The following ADAM17 variants were observed in gnomAD, a reference collection of about 807,000 sequenced individuals.
ADAM17 encodes the protein disintegrin and metalloproteinase domain-containing protein 17.
ADAM17 carries 39 observed loss-of-function variants against 96.7 expected under a neutral mutation model. The observed-to-expected ratio is 0.40, with a 90% CI of 0.31 to 0.53. The LOEUF is 0.53. ADAM17 is among the 20% of genes least tolerant of loss of function. ADAM17 has a pLI of 0.44. For missense variants in ADAM17, 777 were observed against 1,013.2 expected (o/e 0.77, Z 3.17); for synonymous variants, 344 against 359.2 (o/e 0.96, Z 0.48).
At chr2:9,521,380 G>C in intron 7 of ADAM17, 64 bp from the exon 8 acceptor site, 1 of 1,122,086 alleles carries the variant, frequency 8.9e-7, no homozygotes, top group Non-Finnish European at 1.3e-6. Context: ...TCTGAATACT[G>C]CATTATTTTA....
chr2:9,492,910 A>G lies in ADAM17; in HGVS notation c.2070T>C (p.Leu690=). 1 of 1,612,336 alleles carries G rather than the reference A, an allele frequency of 6.2e-7. No homozygotes were observed. Among genetic ancestry groups the G allele is most frequent in the South Asian group, 1.1e-5 (1 of 90,784 alleles). ...SLIFWIPFSI[L]VHCVDKKLDK... ...GTTGATGACTTACCACACAATGGAC[A>G]AGAATGCTGAAAGGAATCCAAAATA... The change falls in exon 17 of 19, where the codon CTT becomes CTC. Residue 690 remains leucine, a synonymous_variant. Transcript: ENST00000310823.
In ADAM17 at chr2:9,502,056, C is replaced by A. The variant is rs557477565; in HGVS notation, c.1648+117G>T. 152 of 897,706 alleles carry A rather than the reference C, an allele frequency of 1.7e-4. No homozygotes were observed. The African/African-American group carries it at 2.4e-3, about 14-fold the overall frequency. 55.6% of individuals were successfully genotyped at this position (897,706 alleles called of 1,614,324 possible). A position where few individuals can be genotyped will look rare whatever the true frequency, so the allele number is the denominator to read the frequency against. On this transcript the variant is annotated intron_variant, in intron 13 of 18. Coordinates refer to ENST00000310823, the MANE Select transcript of ADAM17 (RefSeq NM_003183.6). ...AACTAAGGAGTGCCAGAAACTCAAC[C>A]CGGCATATGAGATTAAAAATAAGGT...
chr2:9,510,462 G>A (rs1049465617), intron 10 of ADAM17, among the ~76,000 whole-genome samples: 6 of 151,898 alleles, frequency 4.0e-5, no homozygotes, highest in South Asian at 2.1e-4. Context: ...TCAGGAGTTC[G>A]AGACCAGCCT....
chr2:9,514,518 A>AATAT (rs70948826), intron 10 of ADAM17, among the ~76,000 whole-genome samples: 924 of 89,204 alleles, frequency 0.01, 7 homozygotes, highest in Non-Finnish European at 0.013. Context: ...TTAAAATATA[A>AATAT]ATATATATAT....
chr2:9,545,585 A>G (rs1665373733), intron 1 of ADAM17, among the ~76,000 whole-genome samples: 1 of 152,146 alleles, frequency 6.6e-6, no homozygotes, highest in Non-Finnish European at 1.5e-5. Context: ...AGAAAAAGAA[A>G]AAACCACTGA....
intron 1 of ADAM17, 69 bp downstream of exon 1, chr2:9,555,440 A>G: frequency 7.4e-7 from 1 of 1,353,928 alleles, no homozygotes; most frequent in Non-Finnish European, 9.9e-7. Context: ...TGATAGACCC[A>G]GCTCCCCTGC....
intron 13 of ADAM17, among the ~76,000 whole-genome samples, chr2:9,501,098 C>T (rs1662973298): frequency 6.6e-6 from 1 of 152,054 alleles, no homozygotes; most frequent in Non-Finnish European, 1.5e-5. Flanking sequence ...AAGAACTCCT[C>T]CAAATTCACA....
intron 6 of ADAM17, among the ~76,000 whole-genome samples, chr2:9,524,403 T>C (rs537863848): frequency 4.7e-4 from 72 of 152,128 alleles, no homozygotes; most frequent in Middle Eastern, 3.4e-3. Context: ...GGTGGGAAGA[T>C]TGCTTTGGCC....
chr2:9,502,049 ACT>A lies in ADAM17; in HGVS notation c.1648+122_1648+123del, dbSNP rs942202998. 2.7e-5 allele frequency: 23 copies of A among 843,852 alleles called. No homozygotes were observed. In the African/African-American group the frequency reaches 3.6e-4, roughly 13 times the overall value. 52.3% of individuals were successfully genotyped at this position (843,852 alleles called of 1,614,324 possible). On this transcript the variant is annotated intron_variant, in intron 13 of 18. Coordinates refer to ENST00000310823, the MANE Select transcript of ADAM17 (RefSeq NM_003183.6). ...TGTCACAAACTAAGGAGTGCCAGAA[ACT>A]CAACCCGGCATATGAGATTAAAAAT... is the stretch of plus-strand genomic sequence containing the variant.
intron 2 of ADAM17, among the ~76,000 whole-genome samples, chr2:9,542,166 C>T (rs559880653): frequency 5.3e-5 from 8 of 152,122 alleles, no homozygotes; most frequent in Non-Finnish European, 4.4e-5. Flanking sequence ...CAAAACAATA[C>T]GTGGTATTAA....
chr2:9,535,992 T>C, intron 3 of ADAM17, 70 bp from the exon 4 acceptor site: 4 of 1,034,630 alleles, frequency 3.9e-6, no homozygotes, highest in East Asian at 2.9e-5. Flanking sequence ...TTACTCTCAA[T>C]AAAAATTAAA....
At chr2:9,516,032 C>A (rs1488728755) in intron 10 of ADAM17, among the ~76,000 whole-genome samples, 1 of 151,646 alleles carries the variant, frequency 6.6e-6, no homozygotes, top group African/African-American at 2.4e-5. Flanking sequence ...GCCTCCCAAG[C>A]AACTGGGACT....
At chr2:9,543,364 A>T in intron 1 of ADAM17, 79 bp from the exon 2 acceptor site, 1 of 1,266,398 alleles carries the variant, frequency 7.9e-7, no homozygotes, top group Non-Finnish European at 1.0e-6. Flanking sequence ...AGTGCCAGAC[A>T]ATAAATCTTT....
At chr2:9,516,072 T>C (rs1240683302) in intron 10 of ADAM17, among the ~76,000 whole-genome samples, 1 of 152,164 alleles carries the variant, frequency 6.6e-6, no homozygotes, top group East Asian at 1.9e-4. Context: ...ACCAGCTTCA[T>C]TGTTAATTTG....
chr2:9,531,509 C>G, intron 4 of ADAM17, among the ~76,000 whole-genome samples: 1 of 151,472 alleles, frequency 6.6e-6, no homozygotes, highest in Non-Finnish European at 1.5e-5. Flanking sequence ...CAAGACCAGC[C>G]TGGCCAACGT....
intron 11 of ADAM17, among the ~76,000 whole-genome samples, chr2:9,509,169 A>G (rs1398833420): frequency 1.3e-5 from 2 of 152,192 alleles, no homozygotes; most frequent in African/African-American, 2.4e-5. Flanking sequence ...AATACTTCAC[A>G]ATCTTTTGTG....
intron 10 of ADAM17, among the ~76,000 whole-genome samples, chr2:9,514,523 ATATAT>A (rs1663936770): frequency 6.4e-4 from 3 of 4,698 alleles, no homozygotes; most frequent in Admixed American, 2.9e-3. Flanking sequence ...ATATAAATAT[ATATAT>A]ATATATATAT....
chr2:9,513,934 C>A (rs900234848), intron 10 of ADAM17, among the ~76,000 whole-genome samples: 18 of 150,770 alleles, frequency 1.2e-4, no homozygotes, highest in Non-Finnish European at 1.5e-5. Flanking sequence ...TTGCTTGAAT[C>A]CGGGAGGCGG....
At chr2:9,523,838 T>TA (rs1443327530) in intron 6 of ADAM17, among the ~76,000 whole-genome samples, 2 of 152,208 alleles carry the variant, frequency 1.3e-5, no homozygotes, top group East Asian at 3.9e-4. Context: ...CACTTCCACT[T>TA]AGTGAATAGT....
Sources: gnomAD v4.1 joint callset for allele counts (sites outside exome capture counted in the v4.1 genomes callset) on GRCh38, gnomAD v4.1.1 for gene constraint, MANE v1.5 for transcripts, NCBI Gene and HGNC (gene_info 2026-07-23, HGNC 2026-07-21) for gene names.